NBPF11: variants seen among roughly 807,000 people sequenced by gnomAD.
The protein encoded by NBPF11 is NBPF member 11, also known as NBPF family member NBPF11.
In NBPF11, 72 loss-of-function variants were observed where a neutral mutation model predicts 93.9. The observed-to-expected ratio is 0.77, with a 90% CI of 0.63 to 0.93. The LOEUF is 0.93. NBPF11 is among the 40% of genes least tolerant of loss of function. The probability of loss-of-function intolerance (pLI) is 0.00; values close to 1 mark genes in which losing one functional copy is unlikely to be tolerated. For missense variants in NBPF11, 705 were observed against 802.2 expected (o/e 0.88, Z 1.46); for synonymous variants, 224 against 304.9 (o/e 0.73, Z 2.76).
chr1:148,122,759 T>G lies in NBPF11; in HGVS notation c.536A>C (p.Asp179Ala), dbSNP rs200777522. The part of the protein sequence containing the change: ...DEDEDVQVEE[D>A]EKVLESSAPR... The stretch of plus-strand genomic sequence containing the variant: ...GGCAGATGATTCCAGTACTTTCTCA[T>G]CCTCCTCAACTTGAACATCTTCATC... Residue 179 changes from aspartate (D) to alanine (A), a missense_variant, in exon 8 of 24, where the codon GAT becomes GCT. Coordinates refer to ENST00000682118, the MANE Select transcript of NBPF11 (RefSeq NM_001385469.3). 0.14 allele frequency: 218,460 copies of G among 1,608,582 alleles called. 16,749 individuals carry two copies. The highest frequency in any genetic ancestry group is 0.3 in the East Asian group (13,354 of 44,858).
chr1:148,141,358 T>C (rs1284827929), intron 2 of NBPF11, among the ~76,000 whole-genome samples: 1 of 152,058 alleles, frequency 6.6e-6, no homozygotes, highest in Non-Finnish European at 1.5e-5. Context: ...ACCACACTAA[T>C]ACAACATACT....
intron 2 of NBPF11, among the ~76,000 whole-genome samples, chr1:148,141,836 A>G (rs1331696072): frequency 2.0e-5 from 3 of 151,892 alleles, no homozygotes; most frequent in South Asian, 2.1e-4. Context: ...CTACAGGATG[A>G]GCTCCCTGCC....
At chr1:148,147,122 G>A (rs1407401986) in intron 1 of NBPF11, among the ~76,000 whole-genome samples, 9 of 152,176 alleles carry the variant, frequency 5.9e-5, no homozygotes, top group South Asian at 2.1e-4. Flanking sequence ...GTGGCCAGGC[G>A]GTCCTCCCAC....
chr1:148,138,495 G>A (rs1395248791), intron 2 of NBPF11, among the ~76,000 whole-genome samples: 1 of 151,890 alleles, frequency 6.6e-6, no homozygotes, highest in African/African-American at 2.4e-5. Context: ...CTAGGCAGAG[G>A]TCCCTGCAGT....
chr1:148,144,581 A>G lies in NBPF11; in HGVS notation c.-548-895T>C, dbSNP rs1204103711. On this transcript the variant is annotated intron_variant, in intron 1 of 23. Coordinates refer to ENST00000682118, the MANE Select transcript of NBPF11 (RefSeq NM_001385469.3). ...ATATTGAAAATGAGATTGAACACAT[A>G]CAAAAAAAAATAATAACAATAATGA... Among the ~76,000 whole-genome samples the G allele has an allele frequency of 2.0e-5, 3 of 152,072 alleles. No individual in the cohort carries two copies. In the East Asian group the frequency reaches 5.8e-4, roughly 29 times the overall value.
Position 148,146,907 on chromosome 1 carries a change from G to A in NBPF11, c.-548-3221C>T, listed in dbSNP as rs1204552011. Reference sequence around the variant, plus strand: ...ATGCCGACATCGACGCCACCTGGCAGGCCCTGCGCACCAGGTGAGGGCGAC... The same window carrying A: ...ATGCCGACATCGACGCCACCTGGCAAGCCCTGCGCACCAGGTGAGGGCGAC... On this transcript the variant is annotated intron_variant, in intron 1 of 23. Transcript: ENST00000682118. 9,863 of 1,612,530 alleles carry A rather than the reference G, an allele frequency of 6.1e-3. 39 individuals are homozygous for A. The highest frequency in any genetic ancestry group is 7.8e-3 in the Non-Finnish European group (9,209 of 1,179,728).
rs1453317527 is a variant in NBPF11 at position 148,148,299 on chromosome 1, G to T, written c.-549+3451C>A. Among the ~76,000 whole-genome samples the T allele has an allele frequency of 4.6e-5, 7 of 152,370 alleles. No individual in the cohort carries two copies. The East Asian group carries it at 1.3e-3, about 29-fold the overall frequency. The stretch of plus-strand genomic sequence containing the variant: ...GGGACGCACACCTGCCCATGCTCCT[G>T]CCTTGCAAGAGGGCGTCTGCCTGGG... On this transcript the variant is annotated intron_variant, in intron 1 of 23. Coordinates refer to ENST00000682118, the MANE Select transcript of NBPF11 (RefSeq NM_001385469.3).
chr1:148,124,954 G>C lies in NBPF11; in HGVS notation c.223C>G (p.Arg75Gly), dbSNP rs200802363. 6.2e-7 allele frequency: 1 copy of C among 1,605,958 alleles called. No homozygotes were observed. Among genetic ancestry groups the C allele is most frequent in the East Asian group, 2.2e-5 (1 of 44,846 alleles). Residue 75 changes from arginine (R) to glycine (G), a missense_variant, in exon 6 of 24, where the codon CGA becomes GGA. Around this residue, in one of 12 missense-constraint regions of NBPF11, gnomAD observed 128 missense variants for 112.8 expected, o/e 1.14. Coordinates refer to ENST00000682118, the MANE Select transcript of NBPF11 (RefSeq NM_001385469.3). ...GCAAGCTTCTCCTCCTTGAACTGTCGCTCATTCCTCAGCATAAATTTTATG... is the reference window on the plus strand; with the variant it reads ...GCAAGCTTCTCCTCCTTGAACTGTCCCTCATTCCTCAGCATAAATTTTATG... ...DLIKFMLRNERQFKEEKLAEQ... is the reference protein window; with the variant it reads ...DLIKFMLRNEGQFKEEKLAEQ...
intron 1 of NBPF11, among the ~76,000 whole-genome samples, chr1:148,145,201 C>CTTTTTT (rs1190949525): frequency 7.9e-5 from 6 of 75,618 alleles, no homozygotes; most frequent in South Asian, 5.1e-4. Flanking sequence ...TTTTTTCTTT[C>CTTTTTT]TTTTTTTTTT....
At chr1:148,106,683 G>C (rs1254204483) in intron 20 of NBPF11, among the ~76,000 whole-genome samples, 141 of 148,146 alleles carry the variant, frequency 9.5e-4, no homozygotes, top group African/African-American at 3.5e-3. Context: ...TTTTACATCT[G>C]CCTGGGTCCA....
chr1:148,108,753 G>C, intron 17 of NBPF11, 99 bp from the exon 18 acceptor site: 2 of 758,168 alleles, frequency 2.6e-6, no homozygotes, highest in East Asian at 2.6e-5. Context: ...AGTTTGAAAA[G>C]AAAAAGGACA....
chr1:148,123,755 A>T, intron 7 of NBPF11, 98 bp downstream of exon 7: 1 of 1,609,012 alleles, frequency 6.2e-7, no homozygotes, highest in Non-Finnish European at 8.5e-7. Flanking sequence ...GTAGTAGAAA[A>T]AAACCCCACT....
chr1:148,122,572 C>A (rs1668115335), intron 8 of NBPF11, among the ~76,000 whole-genome samples, 157 bp downstream of exon 8: 1 of 152,106 alleles, frequency 6.6e-6, no homozygotes, highest in Admixed American at 6.5e-5. Flanking sequence ...AGAAACACAA[C>A]AGCTGCCGCA....
At chr1:148,134,017 C>T (rs1425675662) in intron 4 of NBPF11, among the ~76,000 whole-genome samples, 2 of 152,070 alleles carry the variant, frequency 1.3e-5, no homozygotes, top group Non-Finnish European at 2.9e-5. Context: ...ACGGCCTGTC[C>T]TCTACTCTTC....
Position 148,143,438 on chromosome 1 carries a change from T to G in NBPF11, c.-300A>C. On this transcript the variant is annotated 5_prime_UTR_variant, in exon 2 of 24. The change abolishes an upstream ATG in the 5' untranslated region. Coordinates refer to ENST00000682118, the MANE Select transcript of NBPF11 (RefSeq NM_001385469.3). ...ACCTGTTGGATCTGGCAGCTCTTCA[T>G]GTCGGCCCACACCATGTGAAGCTGC... is the stretch of plus-strand genomic sequence containing the variant. 1.1e-6 allele frequency: 1 copy of G among 938,634 alleles called. No homozygotes were observed. Among genetic ancestry groups the G allele is most frequent in the South Asian group, 3.0e-5 (1 of 33,136 alleles). The allele number at this position is 938,634 out of a possible 1,614,324, so 58.1% of individuals were successfully genotyped here. A position where few individuals can be genotyped will look rare whatever the true frequency, so the allele number is the denominator to read the frequency against.
At chr1:148,127,274 G>T in intron 4 of NBPF11, 1 of 165,684 alleles carries the variant, frequency 6.0e-6, no homozygotes, top group Non-Finnish European at 1.0e-5. Context: ...TGTGGCCAGC[G>T]TGCCAGGTAA....
rs3992652 is a variant in NBPF11 at position 148,118,196 on chromosome 1, C to T, written c.1092-410G>A. Among the ~76,000 whole-genome samples the T allele has an allele frequency of 6.2e-3, 923 of 148,218 alleles. 23 individuals are homozygous for T. The highest frequency in any genetic ancestry group is 0.021 in the African/African-American group (848 of 40,048). Reference sequence around the variant, plus strand: ...ATGCAGATAGGGCGAATTGAAAAGACGAAAGAAGAAAAGAATGACAGGGTC... The same window carrying T: ...ATGCAGATAGGGCGAATTGAAAAGATGAAAGAAGAAAAGAATGACAGGGTC... On this transcript the variant is annotated intron_variant, in intron 11 of 23. Transcript: ENST00000682118.
chr1:148,146,835 C>T, intron 1 of NBPF11: 2 of 1,613,860 alleles, frequency 1.2e-6, no homozygotes, highest in Non-Finnish European at 1.7e-6. Context: ...CCTACGACTC[C>T]TCCGGCTACG....
chr1:148,148,607 C>T (rs1647357139), intron 1 of NBPF11, among the ~76,000 whole-genome samples: 1 of 152,104 alleles, frequency 6.6e-6, no homozygotes, highest in Admixed American at 6.5e-5. Context: ...CTGGGTTGCA[C>T]TGGCATCTCA....
Sources: gnomAD v4.1 joint callset for allele counts (sites outside exome capture counted in the v4.1 genomes callset) on GRCh38, gnomAD v4.1.1 for gene constraint, gnomAD v4.1.1 regional missense constraint, MANE v1.5 for transcripts, NCBI Gene and HGNC (gene_info 2026-07-23, HGNC 2026-07-21) for gene names.